The following LRP1B variants were observed in gnomAD, a reference collection of about 807,000 sequenced individuals.
LRP1B encodes the protein low-density lipoprotein receptor-related protein 1B.
A neutral mutation model predicts 556.6 loss-of-function variants in LRP1B; 217 were observed. The ratio of observed to expected loss-of-function variants is 0.39; its 90% CI spans 0.35 to 0.44. The LOEUF is 0.44. Ranked by LOEUF, LRP1B falls within the 20% of genes least tolerant of loss-of-function variation. The probability of loss-of-function intolerance (pLI) is 1.00; values close to 1 mark genes in which losing one functional copy is unlikely to be tolerated. For missense variants in LRP1B, 5,053 were observed against 5,620.8 expected (o/e 0.90, Z 3.23); for synonymous variants, 2,047 against 1,865.8 (o/e 1.10, Z -2.50).
At chr2:142,076,009 A>G (rs1705484975) in intron 1 of LRP1B, among the ~76,000 whole-genome samples, 1 of 152,120 alleles carries the variant, frequency 6.6e-6, no homozygotes, top group African/African-American at 2.4e-5. Context: ...TGGTCTCAGA[A>G]AAGCATTCTT....
At chr2:142,045,033 C>T (rs982020347) in intron 1 of LRP1B, among the ~76,000 whole-genome samples, 1 of 151,440 alleles carries the variant, frequency 6.6e-6, no homozygotes, top group African/African-American at 2.4e-5. Context: ...TTAAATGTAA[C>T]TTCCTTTTTG....
intron 11 of LRP1B, among the ~76,000 whole-genome samples, chr2:141,031,570 T>C (rs1698372481): frequency 6.6e-6 from 1 of 151,982 alleles, no homozygotes; most frequent in Admixed American, 6.6e-5. Context: ...TAATTAAATA[T>C]GTATAGATTA....
chr2:140,940,693 C>T (rs1695375014), intron 20 of LRP1B, among the ~76,000 whole-genome samples: 2 of 152,104 alleles, frequency 1.3e-5, no homozygotes. Flanking sequence ...TGAATTGATT[C>T]CATGTCTTGC....
At chr2:141,713,043 T>C (rs1376604793) in intron 2 of LRP1B, among the ~76,000 whole-genome samples, 3 of 151,818 alleles carry the variant, frequency 2.0e-5, no homozygotes, top group Non-Finnish European at 4.4e-5. Context: ...CCATTGAACA[T>C]GTACAAATAA....
rs1390808905 is a variant in LRP1B at position 142,115,662 on chromosome 2, TATATATATGTAATATATATATA to T, written c.82+14964_82+14985del. Among the ~76,000 whole-genome samples the T allele has an allele frequency of 5.2e-3, 27 of 5,158 alleles. 2 individuals carry two copies. The highest frequency in any genetic ancestry group is 0.011 in the African/African-American group (26 of 2,408). 3.4% of individuals were successfully genotyped at this position (5,158 alleles called of 152,430 possible). On this transcript the variant is annotated intron_variant, in intron 1 of 90. Coordinates refer to ENST00000389484, the MANE Select transcript of LRP1B (RefSeq NM_018557.3). Reference sequence around the variant, plus strand: ...TATGTAATATATATATTATATGTAATATATATATGTAATATATATATAATATATATGTAATATATATATAATA... The same window carrying T: ...TATGTAATATATATATTATATGTAATATATATATGTAATATATATATAATA...
At chr2:140,578,318 G>A (rs944598881) in intron 43 of LRP1B, among the ~76,000 whole-genome samples, 7 of 151,754 alleles carry the variant, frequency 4.6e-5, no homozygotes, top group African/African-American at 7.3e-5. Context: ...AGGTGGGGGC[G>A]GACGACTTTA....
At position 140,525,859 on chromosome 2, in the gene LRP1B, C is replaced by A. The variant is rs761868923; in HGVS notation, c.8011G>T (p.Glu2671Ter). Residue 2671 changes from glutamate (E) to a stop codon, truncating the protein, a stop_gained, in exon 49 of 91, where the codon GAA (glutamate) becomes TAA (stop). Transcript: ENST00000389484. LOFTEE classifies it high-confidence loss of function. ...CTAGTATTACCTGGGCACTTTAATT[C>A]ATCTGAATAGTCTCCACAGTCATTA... is the stretch of plus-strand genomic sequence containing the variant. ...GSNDCGDYSD[E>*]LKCPVQNKHK... 6.2e-7 allele frequency: 1 copy of A among 1,611,676 alleles called. No individual in the cohort carries two copies. Among genetic ancestry groups the A allele is most frequent in the Non-Finnish European group, 8.5e-7 (1 of 1,178,528 alleles).
At chr2:141,306,301 A>G (rs966653182) in intron 3 of LRP1B, among the ~76,000 whole-genome samples, 3 of 151,996 alleles carry the variant, frequency 2.0e-5, no homozygotes, top group African/African-American at 7.2e-5. Context: ...TACTGTTTCA[A>G]TTTTATCACT....
intron 2 of LRP1B, among the ~76,000 whole-genome samples, chr2:141,495,699 A>G (rs1375602861): frequency 1.3e-5 from 2 of 152,122 alleles, no homozygotes; most frequent in Non-Finnish European, 2.9e-5. Flanking sequence ...ACTGACCTTT[A>G]AAGATTTGAG....
chr2:141,813,304 G>A (rs528909647), intron 1 of LRP1B, among the ~76,000 whole-genome samples: 1 of 152,194 alleles, frequency 6.6e-6, no homozygotes, highest in South Asian at 2.1e-4. Flanking sequence ...ACAGAGATGG[G>A]GACTGACGGT....
chr2:141,171,165 T>C (rs1680483075), intron 7 of LRP1B, among the ~76,000 whole-genome samples: 1 of 152,152 alleles, frequency 6.6e-6, no homozygotes, highest in Non-Finnish European at 1.5e-5. Flanking sequence ...TTACAATTAC[T>C]GAACCAATGT....
At chr2:140,593,700 T>G (rs1682317454) in intron 43 of LRP1B, among the ~76,000 whole-genome samples, 1 of 152,116 alleles carries the variant, frequency 6.6e-6, no homozygotes. Flanking sequence ...GTGACCACAT[T>G]CTAAGATAAA....
intron 2 of LRP1B, among the ~76,000 whole-genome samples, chr2:141,521,387 C>T (rs1684524668): frequency 6.6e-6 from 1 of 151,854 alleles, no homozygotes; most frequent in African/African-American, 2.4e-5. Context: ...ACCTTTCTTC[C>T]TCCCTCTTTT....
chr2:141,886,484 A>G (rs1348966806), intron 1 of LRP1B, among the ~76,000 whole-genome samples: 1 of 152,100 alleles, frequency 6.6e-6, no homozygotes, highest in African/African-American at 2.4e-5. Flanking sequence ...CATCTTCATA[A>G]ATACCTTAGC....
intron 67 of LRP1B, among the ~76,000 whole-genome samples, chr2:140,385,033 G>A (rs1683697035): frequency 6.6e-6 from 1 of 152,042 alleles, no homozygotes; most frequent in Admixed American, 6.6e-5. Flanking sequence ...TTATTGCGTG[G>A]GCCCAAAAGT....
rs1681578539 is a variant in LRP1B at position 140,344,977 on chromosome 2, CTTA to C, written c.11892+5817_11892+5819del. Among the ~76,000 whole-genome samples the C allele has an allele frequency of 2.6e-5, 4 of 151,822 alleles. No homozygotes were observed. The South Asian group carries it at 8.3e-4, about 31-fold the overall frequency. On this transcript the variant is annotated intron_variant, in intron 77 of 90. Transcript: ENST00000389484. ...CCTTAGAATCATTTTGTTTTACAGG[CTTA>C]TTATTACATAATATGACATGATAAC...
intron 1 of LRP1B, among the ~76,000 whole-genome samples, chr2:142,001,142 C>T (rs551299269): frequency 2.6e-5 from 4 of 152,154 alleles, no homozygotes; most frequent in Non-Finnish European, 4.4e-5. Flanking sequence ...TCCCCAACCC[C>T]GTGGAACTGC....
At chr2:141,302,971 C>A (rs1387335570) in intron 3 of LRP1B, among the ~76,000 whole-genome samples, 1 of 151,914 alleles carries the variant, frequency 6.6e-6, no homozygotes, top group African/African-American at 2.4e-5. Context: ...ATAATGAATA[C>A]TAGCAATTAC....
chr2:141,095,971 T>C (rs1700288832), intron 7 of LRP1B, among the ~76,000 whole-genome samples: 2 of 152,160 alleles, frequency 1.3e-5, no homozygotes, highest in Admixed American at 6.5e-5. Context: ...TATTCTACTA[T>C]ACCGTATTCT....
Sources: allele counts gnomAD v4.1 joint callset (sites outside exome capture counted in the v4.1 genomes callset), GRCh38; gene constraint gnomAD v4.1.1; transcripts MANE v1.5; gene names NCBI Gene and HGNC (gene_info 2026-07-23, HGNC 2026-07-21).